Variants in ZEB2 observed in about 807,000 individuals in gnomAD.
ZEB2 encodes zinc finger E-box binding homeobox 2, also known as zinc finger E-box-binding homeobox 2.
A neutral mutation model predicts 99.9 loss-of-function variants in ZEB2; 6 were observed. That is an observed-to-expected ratio of 0.06 (90% confidence interval 0.03 to 0.12). ZEB2 has a LOEUF of 0.12. Ranked by LOEUF, ZEB2 falls within the 10% of genes least tolerant of loss-of-function variation. The pLI is 1.00. For synonymous variants in ZEB2, 517 were observed against 542.5 expected (o/e 0.95, Z 0.65); for missense variants, 969 against 1,502.8 (o/e 0.64, Z 5.87).
intron 2 of ZEB2, among the ~76,000 whole-genome samples, chr2:144,472,799 G>A (rs1200264857): frequency 6.6e-6 from 1 of 151,584 alleles, no homozygotes; most frequent in Admixed American, 6.6e-5. Flanking sequence ...AGAAGTGTGA[G>A]AACGATAAAA....
Position 144,400,281 on chromosome 2 carries a change from A to G in ZEB2, c.917-11T>C. On this transcript the variant is annotated splice_polypyrimidine_tract_variant and intron_variant, in intron 7 of 9. Transcript: ENST00000627532. ...CGTAAGGTTTTTCACCTAAAATGAT[A>G]ATTAAAATTACCGTTACATTTCCTT... The G allele has an allele frequency of 6.2e-7, 1 of 1,605,108 alleles. No individual in the cohort carries two copies. Among genetic ancestry groups the G allele is most frequent in the Non-Finnish European group, 8.5e-7 (1 of 1,179,604 alleles).
intron 1 of ZEB2, 42 bp from the exon 2 acceptor site, chr2:144,517,461 C>G (rs1233873546): frequency 1.4e-6 from 2 of 1,390,356 alleles, no homozygotes; most frequent in Non-Finnish European, 2.0e-6. Flanking sequence ...TCGCCCGCGC[C>G]CATTGAAACG....
At chr2:144,517,879 C>A in intron 1 of ZEB2, 2 of 512,458 alleles carry the variant, frequency 3.9e-6, no homozygotes, top group Non-Finnish European at 7.0e-6. Context: ...CAACGCGAAA[C>A]AGCCCCTGGA....
intron 6 of ZEB2, among the ~76,000 whole-genome samples, chr2:144,402,472 G>A (rs566876114): frequency 9.3e-4 from 141 of 152,256 alleles, no homozygotes; most frequent in African/African-American, 3.3e-3. Context: ...ATATGTTGCT[G>A]AGTTGCATAA....
rs1028503337 is a variant in ZEB2, at chr2:144,401,233, T to C, written c.882A>G (p.Lys294=). 50 of 1,614,026 alleles carry C rather than the reference T, an allele frequency of 3.1e-5. No individual in the cohort carries two copies. The highest frequency in any genetic ancestry group is 3.6e-5 in the Non-Finnish European group (42 of 1,180,000). The change falls in exon 7 of 10, where the codon AAA becomes AAG. Residue 294 remains lysine, a synonymous_variant. Coordinates refer to ENST00000627532, the MANE Select transcript of ZEB2 (RefSeq NM_014795.4). ...CTECGKAFKY[K]HHLKEHLRIH... is the part of the protein sequence containing the mutation. ...TTCGCAGGTGTTCTTTCAGATGGTGTTTATATTTGAAGGCCTTGCCACACT... is the reference window on the plus strand; with the variant it reads ...TTCGCAGGTGTTCTTTCAGATGGTGCTTATATTTGAAGGCCTTGCCACACT...
chr2:144,449,052 C>T (rs1328238155), intron 2 of ZEB2, among the ~76,000 whole-genome samples: 6 of 152,170 alleles, frequency 3.9e-5, no homozygotes, highest in African/African-American at 1.2e-4. Flanking sequence ...CCTGAGAAGA[C>T]GTGAAGCAGC....
intron 2 of ZEB2, chr2:144,450,388 C>G (rs1704039906): frequency 6.6e-6 from 1 of 152,112 alleles, no homozygotes; most frequent in Non-Finnish European, 1.5e-5. Context: ...AATTATAACT[C>G]TTCAAAAAAA....
Position 144,398,561 on chromosome 2 carries a change from C to A in ZEB2, c.2626G>T (p.Asp876Tyr). The change falls in exon 8 of 10, where the codon GAC becomes TAC. Residue 876 changes from aspartate to tyrosine, a missense_variant. By Grantham distance (160) the Asp-to-Tyr change is radical. Around this residue, in one of 8 missense-constraint regions of ZEB2, gnomAD observed 346 missense variants for 460.0 expected, o/e 0.75. Coordinates refer to ENST00000627532, the MANE Select transcript of ZEB2 (RefSeq NM_014795.4). ...KKEFSNSNNL[D>Y]NKSTNPVFSM... ...AACACTGGGTTAGTGCTTTTGTTGT[C>A]CAGATTATTTGAATTTGAAAATTCC... The A allele has an allele frequency of 6.2e-7, 1 of 1,614,048 alleles. No individual in the cohort carries two copies. Among genetic ancestry groups the A allele is most frequent in the Non-Finnish European group, 8.5e-7 (1 of 1,179,998 alleles).
chr2:144,429,680 T>C, intron 3 of ZEB2, 89 bp downstream of exon 3: 13 of 1,597,480 alleles, frequency 8.1e-6, no homozygotes, highest in Non-Finnish European at 1.1e-5. Context: ...ATTTTAATTA[T>C]TTGGTTGTGG....
At chr2:144,411,309 A>G (rs1703461725) in intron 4 of ZEB2, among the ~76,000 whole-genome samples, 2 of 151,932 alleles carry the variant, frequency 1.3e-5, no homozygotes, top group Non-Finnish European at 2.9e-5. Flanking sequence ...CCTTTTTGTT[A>G]ACATCTCAGA....
intron 2 of ZEB2, among the ~76,000 whole-genome samples, chr2:144,432,110 TG>T (rs1332998230): frequency 6.6e-6 from 1 of 151,744 alleles, no homozygotes; most frequent in Admixed American, 6.6e-5. Context: ...TATTTTCTTG[TG>T]GAAAAAAAAG....
chr2:144,440,507 ATATATATATTTTTTTTTTTTTTTTT>A (rs1390106193), intron 2 of ZEB2, among the ~76,000 whole-genome samples: 119 of 14,922 alleles, frequency 8.0e-3, no homozygotes, highest in Non-Finnish European at 0.014. Flanking sequence ...ATATATATAT[ATATATATATTTTTTTTTTTTTTTTT>A]TTTTTTTTTT....
chr2:144,449,427 C>T (rs1323060527), intron 2 of ZEB2, among the ~76,000 whole-genome samples: 2 of 152,210 alleles, frequency 1.3e-5, no homozygotes, highest in Non-Finnish European at 2.9e-5. Context: ...GCTCCCCCTT[C>T]CACTCCAGTA....
chr2:144,429,472 A>G, intron 3 of ZEB2: 1 of 414,572 alleles, frequency 2.4e-6, no homozygotes, highest in Non-Finnish European at 4.5e-6. Context: ...ATCATGTTAC[A>G]TAATTTGCAC....
Position 144,389,362 on chromosome 2 carries a change from G to T in ZEB2, c.*89C>A. On this transcript the variant is annotated 3_prime_UTR_variant, in exon 10 of 10. Coordinates refer to ENST00000627532, the MANE Select transcript of ZEB2 (RefSeq NM_014795.4). This position sits in a 1 kb window ranked among gnomAD's most constrained non-coding sequence, Gnocchi z 6.8. ...ACAGCTTCCTGGAAGCGTCAGGCAC[G>T]TGCATGAACAGCTTAACACAGCAGT... 6.9e-7 allele frequency: 1 copy of T among 1,454,658 alleles called. No homozygotes were observed. The highest frequency in any genetic ancestry group is 9.6e-7 in the Non-Finnish European group (1 of 1,037,766). The allele number at this position is 1,454,658 out of a possible 1,614,324, so 90.1% of individuals were successfully genotyped here. A position where few individuals can be genotyped will look rare whatever the true frequency, so the allele number is the denominator to read the frequency against.
rs752759296 is a variant in ZEB2, at chr2:144,399,312, G to A, written c.1875C>T (p.Ala625=). The change falls in exon 8 of 10, where the codon GCC becomes GCT. Residue 625 remains alanine, a synonymous_variant. Coordinates refer to ENST00000627532, the MANE Select transcript of ZEB2 (RefSeq NM_014795.4). This position sits in a 1 kb window ranked among gnomAD's most constrained non-coding sequence, Gnocchi z 5.6. ...QPHENIVPNK[A]GVFVDNKALL... Reference sequence around the variant, plus strand: ...GGGCTTTATTATCAACAAAAACTCCGGCTTTGTTGGGGACTATGTTTTCAT... The same window carrying A: ...GGGCTTTATTATCAACAAAAACTCCAGCTTTGTTGGGGACTATGTTTTCAT... 5 of 1,613,980 alleles carry A rather than the reference G, an allele frequency of 3.1e-6. No individual in the cohort carries two copies. The highest frequency in any genetic ancestry group is 1.7e-5 in the Admixed American group (1 of 59,988).
rs1248333726 is a variant in ZEB2, at chr2:144,486,787, C to T, written c.73+30491G>A. Among the ~76,000 whole-genome samples, 5 of 152,190 alleles carry T rather than the reference C, an allele frequency of 3.3e-5. No homozygotes were observed. The East Asian group carries it at 9.6e-4, about 29-fold the overall frequency. ...TTTGATATTAAAAACTCAAAACATG[C>T]AAAACACTGGGAAAAATCAAGATTA... On this transcript the variant is annotated intron_variant, in intron 2 of 9. Transcript: ENST00000627532.
intron 2 of ZEB2, among the ~76,000 whole-genome samples, chr2:144,515,287 C>T (rs1705112695): frequency 6.6e-6 from 1 of 151,808 alleles, no homozygotes; most frequent in East Asian, 1.9e-4. Flanking sequence ...CAGCAACGTG[C>T]TTTAGATACT....
intron 6 of ZEB2, among the ~76,000 whole-genome samples, chr2:144,402,010 T>C (rs1703317598): frequency 6.6e-6 from 1 of 152,226 alleles, no homozygotes; most frequent in African/African-American, 2.4e-5. Flanking sequence ...TATAGCTGCT[T>C]GAGCAGTTTT....
Sources: allele counts gnomAD v4.1 joint callset (sites outside exome capture counted in the v4.1 genomes callset), GRCh38; gene constraint gnomAD v4.1.1; regional missense constraint gnomAD v4.1.1; non-coding constraint Gnocchi (gnomAD v3.1); transcripts MANE v1.5; gene names NCBI Gene and HGNC (gene_info 2026-07-23, HGNC 2026-07-21).